The following SI variants were observed in gnomAD, a reference collection of about 807,000 sequenced individuals.
SI encodes sucrase-isomaltase, also known as sucrase-isomaltase, intestinal.
Under a neutral mutation model 253.3 loss-of-function variants are expected in SI, and 235 were observed. The ratio of observed to expected loss-of-function variants is 0.93; its 90% CI spans 0.83 to 1.03. SI has a LOEUF of 1.03. Among genes scored for constraint, SI ranks in the 50% least tolerant of loss-of-function variants. The pLI is 0.00. For missense variants in SI, 2,442 were observed against 2,211.1 expected, an observed-to-expected ratio of 1.10 and a Z score of -2.09; for synonymous variants, 819 against 712.0, an observed-to-expected ratio of 1.15 and a Z score of -2.39.
At chr3:165,053,685 T>C (rs552926389) in intron 13 of SI, among the ~76,000 whole-genome samples, 4 of 152,240 alleles carry the variant, frequency 2.6e-5, no homozygotes, top group African/African-American at 9.6e-5. Flanking sequence ...GAATTTCAGT[T>C]CTCAATGAAT....
At chr3:165,072,239 T>A (rs541058372) in intron 3 of SI, among the ~76,000 whole-genome samples, 1 of 152,156 alleles carries the variant, frequency 6.6e-6, no homozygotes, top group South Asian at 2.1e-4. Flanking sequence ...ACAAATAATA[T>A]TTAGTCAGAT....
intron 25 of SI, among the ~76,000 whole-genome samples, chr3:165,028,000 G>A (rs1049088715): frequency 6.0e-5 from 9 of 151,224 alleles, no homozygotes; most frequent in African/African-American, 1.2e-4. Context: ...TCAAACTGTC[G>A]CTCTTTGCTG....
chr3:164,989,805 A>T (rs889143006), intron 44 of SI, among the ~76,000 whole-genome samples: 4 of 152,206 alleles, frequency 2.6e-5, no homozygotes, highest in African/African-American at 9.6e-5. Context: ...TTAAATGCAT[A>T]TAACTAAGTA....
chr3:165,021,153 G>T, intron 27 of SI, 76 bp downstream of exon 27: 2 of 1,275,280 alleles, frequency 1.6e-6, no homozygotes, highest in Non-Finnish European at 2.3e-6. Context: ...GACAGTGAAG[G>T]CTGTTAATCA....
chr3:165,051,977 C>A (rs1437553709), intron 13 of SI, among the ~76,000 whole-genome samples: 1 of 151,760 alleles, frequency 6.6e-6, no homozygotes, highest in South Asian at 2.1e-4. Context: ...GTTTTTTGAA[C>A]CAAGAATATA....
chr3:164,995,456 C>T (rs1717966963), intron 40 of SI, among the ~76,000 whole-genome samples: 1 of 151,684 alleles, frequency 6.6e-6, no homozygotes, highest in South Asian at 2.1e-4. Flanking sequence ...CTATACAATT[C>T]GAGTAATACA....
intron 45 of SI, among the ~76,000 whole-genome samples, chr3:164,986,830 A>C (rs1717462339): frequency 1.3e-5 from 2 of 152,186 alleles, no homozygotes; most frequent in African/African-American, 4.8e-5. Context: ...CCAAGTGTCT[A>C]TTATGTGAAT....
At position 164,982,422 on chromosome 3, in the gene SI, G is replaced by A. The variant is rs745994654; in HGVS notation, c.5248-12C>T. ...CTTGTTAAGGTGGTCTATAAATAAA[G>A]AAAAAGGAATAACATAAACACTTTA... is the stretch of plus-strand genomic sequence containing the variant. On this transcript the variant is annotated splice_polypyrimidine_tract_variant and intron_variant, in intron 46 of 47. Coordinates refer to ENST00000264382, the MANE Select transcript of SI (RefSeq NM_001041.4). The A allele has an allele frequency of 4.4e-6, 7 of 1,587,512 alleles. No homozygotes were observed. The highest frequency in any genetic ancestry group is 3.4e-5 in the Admixed American group (2 of 59,512).
At chr3:164,987,734 A>G (rs1395486122) in intron 44 of SI, among the ~76,000 whole-genome samples, 3 of 152,124 alleles carry the variant, frequency 2.0e-5, no homozygotes, top group African/African-American at 4.8e-5. Flanking sequence ...ATTTAATAGG[A>G]AATGTGATGC....
chr3:165,049,049 A>G (rs1180259372), intron 15 of SI, 78 bp downstream of exon 15: 6 of 879,784 alleles, frequency 6.8e-6, no homozygotes, highest in Non-Finnish European at 9.8e-6. Context: ...TTTCCTAATT[A>G]TGAATACATT....
chr3:165,038,625 G>C (rs1381784298), intron 20 of SI, among the ~76,000 whole-genome samples: 1 of 151,488 alleles, frequency 6.6e-6, no homozygotes, highest in African/African-American at 2.4e-5. Flanking sequence ...TGGTGTATTT[G>C]AGTGCTGTTA....
At chr3:165,068,494 C>T (rs1348239591) in intron 5 of SI, among the ~76,000 whole-genome samples, 2 of 152,124 alleles carry the variant, frequency 1.3e-5, no homozygotes, top group Non-Finnish European at 1.5e-5. Context: ...CTGCCTCAGC[C>T]TCCCGAGTAG....
At chr3:165,077,564 T>C (rs1439341555) in intron 1 of SI, among the ~76,000 whole-genome samples, 1 of 151,638 alleles carries the variant, frequency 6.6e-6, no homozygotes, top group Non-Finnish European at 1.5e-5. Context: ...GCATCAGTAA[T>C]TTTCAAAGAA....
chr3:165,049,892 T>C lies in SI; in HGVS notation c.1513-17A>G. On this transcript the variant is annotated splice_polypyrimidine_tract_variant and intron_variant, in intron 13 of 47. Coordinates refer to ENST00000264382, the MANE Select transcript of SI (RefSeq NM_001041.4). ...ATTCATGTCCTGAATGGATACAAAATGAAGAACAGCAGATTTTACATAATT... is the reference window on the plus strand; with the variant it reads ...ATTCATGTCCTGAATGGATACAAAACGAAGAACAGCAGATTTTACATAATT... 6.9e-7 allele frequency: 1 copy of C among 1,455,158 alleles called. No homozygotes were observed. Among genetic ancestry groups the C allele is most frequent in the Non-Finnish European group, 9.7e-7 (1 of 1,035,966 alleles). The allele number at this position is 1,455,158 out of a possible 1,614,324, so 90.1% of individuals were successfully genotyped here.
chr3:165,015,963 T>C lies in SI; in HGVS notation c.3877A>G (p.Ile1293Val), dbSNP rs780372473. 1.2e-6 allele frequency: 2 copies of C among 1,610,224 alleles called. No individual in the cohort carries two copies. Among genetic ancestry groups the C allele is most frequent in the South Asian group, 1.1e-5 (1 of 91,022 alleles). ...DKIRGEGMRY[I>V]IILDPAISGN... is the part of the protein sequence containing the mutation. ...CTCCAAGTACTGACCAGGATAATAA[T>C]GTATCTCATTCCTTCTCCTCTTATT... Residue 1293 changes from isoleucine (I) to valine (V), a missense_variant, in exon 32 of 48, where the codon ATT (isoleucine) becomes GTT (valine). By Grantham distance (29) the Ile-to-Val change is conservative. Coordinates refer to ENST00000264382, the MANE Select transcript of SI (RefSeq NM_001041.4).
intron 13 of SI, among the ~76,000 whole-genome samples, chr3:165,052,970 T>A (rs1186336947): frequency 1.3e-5 from 2 of 151,914 alleles, no homozygotes; most frequent in Non-Finnish European, 2.9e-5. Flanking sequence ...TTTCATTGAA[T>A]AATTTTGCTT....
At chr3:165,067,170 T>C (rs1714286837) in intron 6 of SI, among the ~76,000 whole-genome samples, 170 bp downstream of exon 6, 1 of 151,974 alleles carries the variant, frequency 6.6e-6, no homozygotes, top group Non-Finnish European at 1.5e-5. Flanking sequence ...TGTTCCAGTA[T>C]CTTTCATCCA....
intron 28 of SI, among the ~76,000 whole-genome samples, 173 bp from the exon 29 acceptor site, chr3:165,018,239 T>G (rs1032002707): frequency 6.6e-6 from 1 of 151,616 alleles, no homozygotes; most frequent in Non-Finnish European, 1.5e-5. Context: ...TATAATTGTT[T>G]AAATTTTTTC....
At chr3:165,027,995 C>T (rs1177363617) in intron 25 of SI, among the ~76,000 whole-genome samples, 3 of 151,296 alleles carry the variant, frequency 2.0e-5, no homozygotes, top group Non-Finnish European at 3.0e-5. Context: ...GGAAGTCAAA[C>T]TGTCGCTCTT....
Sources: allele counts gnomAD v4.1 joint callset (sites outside exome capture counted in the v4.1 genomes callset), GRCh38; gene constraint gnomAD v4.1.1; transcripts MANE v1.5; gene names NCBI Gene and HGNC (gene_info 2026-07-23, HGNC 2026-07-21).